SLC25A33: variants seen among roughly 807,000 people sequenced by gnomAD.
The protein encoded by SLC25A33 is solute carrier family 25 member 33, also known as bone marrow stromal cell mitochondrial carrier protein.
A neutral mutation model predicts 35.5 loss-of-function variants in SLC25A33; 15 were observed. The ratio of observed to expected loss-of-function variants is 0.42; its 90% CI spans 0.28 to 0.65. The LOEUF (loss-of-function observed/expected upper bound fraction) is 0.65, where lower values mean the gene tolerates loss of function less well. SLC25A33 is among the 30% of genes least tolerant of loss of function. The probability of loss-of-function intolerance (pLI) is 0.20; values close to 1 mark genes in which losing one functional copy is unlikely to be tolerated. For synonymous variants in SLC25A33, 136 were observed against 148.7 expected, an observed-to-expected ratio of 0.91 and a Z score of 0.62; for missense variants, 257 against 398.5, an observed-to-expected ratio of 0.64 and a Z score of 3.02.
intron 2 of SLC25A33, among the ~76,000 whole-genome samples, chr1:9,564,740 ATATATATATATAT>A (rs1643477898): frequency 2.1e-5 from 2 of 94,238 alleles, no homozygotes; most frequent in African/African-American, 1.0e-4. Flanking sequence ...AAAAAAAAAA[ATATATATATATAT>A]ATATATATAT....
chr1:9,580,454 T>C (rs1643726070), intron 6 of SLC25A33, among the ~76,000 whole-genome samples: 1 of 152,240 alleles, frequency 6.6e-6, no homozygotes, highest in Admixed American at 6.5e-5. Flanking sequence ...AAACTTGTTG[T>C]GCAGAAACGC....
At chr1:9,549,812 G>T (rs2100374787) in intron 1 of SLC25A33, among the ~76,000 whole-genome samples, 1 of 149,806 alleles carries the variant, frequency 6.7e-6, no homozygotes, top group African/African-American at 2.5e-5. Context: ...GTGGAGACAG[G>T]GTTTCAGCAC....
At chr1:9,558,263 C>T (rs1643373869) in intron 2 of SLC25A33, among the ~76,000 whole-genome samples, 1 of 152,232 alleles carries the variant, frequency 6.6e-6, no homozygotes, top group Non-Finnish European at 1.5e-5. Context: ...CAGCAGTTCC[C>T]AGCTCAGAGA....
chr1:9,576,966 T>C, intron 5 of SLC25A33: 3 of 1,236,898 alleles, frequency 2.4e-6, no homozygotes, highest in Non-Finnish European at 3.5e-6. Flanking sequence ...AAAGGAACTG[T>C]TCAGCAGGCT....
intron 1 of SLC25A33, among the ~76,000 whole-genome samples, chr1:9,552,689 A>G (rs1393670324): frequency 6.6e-6 from 1 of 152,162 alleles, no homozygotes; most frequent in Admixed American, 6.6e-5. Context: ...AAATTACATG[A>G]ATGTCCAACA....
chr1:9,553,203 G>GTTTTTTT (rs550067186), intron 1 of SLC25A33, among the ~76,000 whole-genome samples: 3 of 56,492 alleles, frequency 5.3e-5, no homozygotes, highest in Admixed American at 2.7e-4. Context: ...TTCTAGTTTT[G>GTTTTTTT]TTTTTTTTTT....
At chr1:9,556,849 A>G (rs535468673) in intron 2 of SLC25A33, among the ~76,000 whole-genome samples, 6 of 152,300 alleles carry the variant, frequency 3.9e-5, no homozygotes, top group African/African-American at 1.2e-4. Context: ...AACTATTTTC[A>G]TTACAGTCCC....
In SLC25A33 at chr1:9,545,522, T is replaced by C. The variant is rs552031779; in HGVS notation, c.56+5775T>C. ...AAGCGATTCTCCTGCCTCAGCCTCC[T>C]GAGTAGCTGGGATTGCAGGCGCCTG... On this transcript the variant is annotated intron_variant, in intron 1 of 6. Coordinates refer to ENST00000302692, the MANE Select transcript of SLC25A33 (RefSeq NM_032315.3). 2.6e-5 allele frequency among the ~76,000 whole-genome samples: 4 copies of C among 151,916 alleles called. No homozygotes were observed. The South Asian group carries it at 8.3e-4, about 32-fold the overall frequency.
intron 2 of SLC25A33, among the ~76,000 whole-genome samples, chr1:9,565,912 C>T (rs184516231): frequency 4.6e-5 from 7 of 151,418 alleles, no homozygotes; most frequent in Admixed American, 3.9e-4. Context: ...AAATGAAAAA[C>T]GAAAAGCAGT....
intron 1 of SLC25A33, among the ~76,000 whole-genome samples, chr1:9,553,116 T>C (rs1187775772): frequency 6.5e-5 from 9 of 139,474 alleles, no homozygotes; most frequent in Admixed American, 2.2e-4. Context: ...GGTCTCGAAC[T>C]CCTGACCTCA....
chr1:9,543,620 C>A (rs944228427), intron 1 of SLC25A33, among the ~76,000 whole-genome samples: 5 of 152,188 alleles, frequency 3.3e-5, no homozygotes, highest in African/African-American at 1.2e-4. Context: ...CCTTCATCTG[C>A]TGGGCAGCCA....
At chr1:9,550,011 ATTTTTTTTTTT>A (rs70979761) in intron 1 of SLC25A33, among the ~76,000 whole-genome samples, 7 of 48,866 alleles carry the variant, frequency 1.4e-4, no homozygotes, top group African/African-American at 5.5e-4. Flanking sequence ...ATATATATAT[ATTTTTTTTTTT>A]TTTTTTTTTT....
intron 2 of SLC25A33, among the ~76,000 whole-genome samples, chr1:9,559,762 C>T (rs754245506): frequency 1.3e-5 from 2 of 152,168 alleles, no homozygotes; most frequent in Non-Finnish European, 2.9e-5. Flanking sequence ...AGCCACCATC[C>T]TCTCTCACCT....
intron 2 of SLC25A33, among the ~76,000 whole-genome samples, chr1:9,566,824 C>CTGT (rs1643514048): frequency 6.6e-6 from 1 of 151,968 alleles, no homozygotes; most frequent in Admixed American, 6.6e-5. Flanking sequence ...CCAGCCTGGG[C>CTGT]AACAAGAGTG....
intron 2 of SLC25A33, among the ~76,000 whole-genome samples, chr1:9,565,646 A>G (rs1341208197): frequency 1.3e-5 from 2 of 152,144 alleles, no homozygotes; most frequent in South Asian, 4.1e-4. Flanking sequence ...TGGGAGGCCA[A>G]GGCAGGCGGA....
At chr1:9,557,215 G>A (rs1420328745) in intron 2 of SLC25A33, among the ~76,000 whole-genome samples, 1 of 152,234 alleles carries the variant, frequency 6.6e-6, no homozygotes, top group African/African-American at 2.4e-5. Flanking sequence ...TTACAGGCGT[G>A]AGCCACTGTG....
At chr1:9,540,521 C>T (rs1643063820) in intron 1 of SLC25A33, among the ~76,000 whole-genome samples, 1 of 152,022 alleles carries the variant, frequency 6.6e-6, no homozygotes, top group South Asian at 2.1e-4. Context: ...CTCGCCACCT[C>T]CCCTTGTCAC....
At position 9,566,568 on chromosome 1, in the gene SLC25A33, C is replaced by T. The variant is rs893817539; in HGVS notation, c.237-716C>T. Among the ~76,000 whole-genome samples the T allele has an allele frequency of 4.6e-5, 7 of 151,824 alleles. No homozygotes were observed. The East Asian group carries it at 9.7e-4, about 21-fold the overall frequency. On this transcript the variant is annotated intron_variant, in intron 2 of 6. Transcript: ENST00000302692. ...TGCACAGCTTCCTCCTGTGTTGGGC[C>T]GGGTGTGGTGGCTCATGCCTGTAAT...
intron 3 of SLC25A33, among the ~76,000 whole-genome samples, chr1:9,568,634 G>A (rs1410730289): frequency 3.3e-5 from 5 of 149,946 alleles, no homozygotes; most frequent in Admixed American, 2.0e-4. Context: ...GGGGGATCAC[G>A]GGGTCAGGAG....
Sources: gnomAD v4.1 joint callset for allele counts (sites outside exome capture counted in the v4.1 genomes callset) on GRCh38, gnomAD v4.1.1 for gene constraint, MANE v1.5 for transcripts, NCBI Gene and HGNC (gene_info 2026-07-23, HGNC 2026-07-21) for gene names.